MCPH1: variants seen among roughly 807,000 people sequenced by gnomAD.
MCPH1 encodes microcephalin.
In MCPH1, 104 loss-of-function variants were observed where a neutral mutation model predicts 84.5. The observed-to-expected ratio is 1.23, with a 90% CI of 1.05 to 1.45. The LOEUF (loss-of-function observed/expected upper bound fraction) is 1.45, where lower values mean the gene tolerates loss of function less well. Ranked by LOEUF, MCPH1 falls within the 40% of genes most tolerant of loss-of-function variation. MCPH1 has a pLI of 0.00. For synonymous variants in MCPH1, 514 were observed against 366.8 expected, an observed-to-expected ratio of 1.40 and a Z score of -4.58; for missense variants, 1,498 against 1,005.7, an observed-to-expected ratio of 1.49 and a Z score of -6.62.
At chr8:6,586,081 C>G (rs925332658) in intron 12 of MCPH1, among the ~76,000 whole-genome samples, 1 of 152,176 alleles carries the variant, frequency 6.6e-6, no homozygotes, top group African/African-American at 2.4e-5. Context: ...GTACTTCAAC[C>G]TCCTGAGTAG....
intron 12 of MCPH1, among the ~76,000 whole-genome samples, chr8:6,533,431 C>G (rs927971878): frequency 3.3e-5 from 5 of 152,278 alleles, no homozygotes; most frequent in African/African-American, 1.2e-4. Context: ...AGGAAAGTTG[C>G]TTAACCTTTT....
chr8:6,537,119 C>A (rs1253840577), intron 12 of MCPH1, among the ~76,000 whole-genome samples: 1 of 152,136 alleles, frequency 6.6e-6, no homozygotes, highest in East Asian at 1.9e-4. Flanking sequence ...CTTGAACCTC[C>A]CGTGGGAGGG....
At chr8:6,471,830 G>A (rs1331680311) in intron 9 of MCPH1, among the ~76,000 whole-genome samples, 1 of 152,218 alleles carries the variant, frequency 6.6e-6, no homozygotes, top group African/African-American at 2.4e-5. Flanking sequence ...CTTGGTCGAA[G>A]GTAAGTCACT....
At chr8:6,447,077 T>G in intron 8 of MCPH1, 1 of 985,394 alleles carries the variant, frequency 1.0e-6, no homozygotes, top group Non-Finnish European at 1.2e-6. Flanking sequence ...TCTTCTACAG[T>G]CACCTGCCTT....
intron 12 of MCPH1, among the ~76,000 whole-genome samples, chr8:6,530,748 T>C (rs908898090): frequency 6.6e-6 from 1 of 152,204 alleles, no homozygotes; most frequent in Non-Finnish European, 1.5e-5. Flanking sequence ...GTTATTCTAT[T>C]CTCTTATCTG....
chr8:6,549,583 G>C (rs946116319), intron 12 of MCPH1, among the ~76,000 whole-genome samples: 1 of 151,664 alleles, frequency 6.6e-6, no homozygotes, highest in African/African-American at 2.4e-5. Context: ...GTGCAGGGCG[G>C]GAAGCCTTCT....
chr8:6,442,554 G>A (rs1019037581), intron 7 of MCPH1, among the ~76,000 whole-genome samples: 3 of 152,180 alleles, frequency 2.0e-5, no homozygotes, highest in African/African-American at 4.8e-5. Context: ...TGTAAAGATC[G>A]TCAATTGAGG....
chr8:6,492,724 T>G (rs1810772815), intron 11 of MCPH1, among the ~76,000 whole-genome samples: 1 of 115,936 alleles, frequency 8.6e-6, no homozygotes, highest in South Asian at 3.3e-4. Flanking sequence ...TTATATTAAA[T>G]TATCAAATAA....
At chr8:6,583,114 C>G (rs1402412639) in intron 12 of MCPH1, among the ~76,000 whole-genome samples, 1 of 152,136 alleles carries the variant, frequency 6.6e-6, no homozygotes, top group Non-Finnish European at 1.5e-5. Context: ...AATCTCTATC[C>G]TAACCAGCAC....
intron 9 of MCPH1, among the ~76,000 whole-genome samples, chr8:6,467,844 C>G (rs189516772): frequency 3.3e-5 from 5 of 152,278 alleles, no homozygotes; most frequent in Admixed American, 6.5e-5. Context: ...ACCATCCACT[C>G]GCCTGGGTCT....
At chr8:6,538,370 C>G (rs988219956) in intron 12 of MCPH1, among the ~76,000 whole-genome samples, 1 of 152,252 alleles carries the variant, frequency 6.6e-6, no homozygotes, top group South Asian at 2.1e-4. Flanking sequence ...CATCCCCCAG[C>G]TGCTCTCCTT....
Position 6,591,887 on chromosome 8 carries a change from T to C in MCPH1, c.2215-29567T>C, listed in dbSNP as rs115046241. On this transcript the variant is annotated intron_variant, in intron 12 of 13. Coordinates refer to ENST00000344683, the MANE Select transcript of MCPH1 (RefSeq NM_024596.5). ...AGTCTATCTATATGTAGTAGGTATA[T>C]CGTGTTCACTGTAAAATTCCTTACT... 7.8e-3 allele frequency among the ~76,000 whole-genome samples: 1,184 copies of C among 152,316 alleles called. 13 individuals carry two copies. The highest frequency in any genetic ancestry group is 0.027 in the African/African-American group (1,132 of 41,568).
intron 8 of MCPH1, among the ~76,000 whole-genome samples, chr8:6,449,236 C>A (rs940514133): frequency 2.0e-5 from 3 of 152,202 alleles, no homozygotes; most frequent in Admixed American, 6.5e-5. Context: ...TTAGATTCTT[C>A]TCTCGATGCC....
At chr8:6,486,576 A>T (rs558923731) in intron 11 of MCPH1, among the ~76,000 whole-genome samples, 2 of 152,156 alleles carry the variant, frequency 1.3e-5, no homozygotes, top group Non-Finnish European at 2.9e-5. Context: ...TTGAATTTTG[A>T]CTTAATATTT....
At chr8:6,591,346 T>G (rs1828436474) in intron 12 of MCPH1, among the ~76,000 whole-genome samples, 1 of 152,238 alleles carries the variant, frequency 6.6e-6, no homozygotes, top group African/African-American at 2.4e-5. Flanking sequence ...GGCTAGTGTT[T>G]ATTAAGGTCT....
intron 5 of MCPH1, 100 bp downstream of exon 5, chr8:6,436,262 A>G (rs558588759): frequency 3.2e-6 from 4 of 1,242,582 alleles, no homozygotes; most frequent in East Asian, 2.5e-5. Flanking sequence ...GAGCTGATGA[A>G]GACTATGATA....
At chr8:6,632,658 A>C (rs1320862277) in intron 13 of MCPH1, among the ~76,000 whole-genome samples, 1 of 151,982 alleles carries the variant, frequency 6.6e-6, no homozygotes, top group Non-Finnish European at 1.5e-5. Context: ...AAATACAAAA[A>C]ATTAGCCGGC....
intron 3 of MCPH1, among the ~76,000 whole-genome samples, chr8:6,418,097 C>T (rs901355624): frequency 6.6e-6 from 1 of 152,192 alleles, no homozygotes; most frequent in Non-Finnish European, 1.5e-5. Context: ...AACTTCTATA[C>T]TCAGAATTTG....
At chr8:6,463,265 G>A (rs1039601315) in intron 9 of MCPH1, among the ~76,000 whole-genome samples, 1 of 152,102 alleles carries the variant, frequency 6.6e-6, no homozygotes, top group Admixed American at 6.5e-5. Context: ...GCCCGCTTGG[G>A]GGATCTGCTT....
Sources: gnomAD v4.1 joint callset for allele counts (sites outside exome capture counted in the v4.1 genomes callset) on GRCh38, gnomAD v4.1.1 for gene constraint, MANE v1.5 for transcripts, NCBI Gene and HGNC (gene_info 2026-07-23, HGNC 2026-07-21) for gene names.